Variants in VPS9D1 observed in about 807,000 individuals in gnomAD.
VPS9D1 encodes VPS9 domain containing 1.
A neutral mutation model predicts 75.8 loss-of-function variants in VPS9D1; 78 were observed. The ratio of observed to expected loss-of-function variants is 1.03; its 90% CI spans 0.86 to 1.24. VPS9D1 has a LOEUF of 1.24. VPS9D1 is among the 50% of genes most tolerant of loss of function. VPS9D1 has a pLI of 0.00. For missense variants in VPS9D1, 1,057 were observed against 847.7 expected, an observed-to-expected ratio of 1.25 and a Z score of -3.07; for synonymous variants, 481 against 385.6, an observed-to-expected ratio of 1.25 and a Z score of -2.90.
At position 89,708,475 on chromosome 16, in the gene VPS9D1, G is replaced by C. The variant is rs1812843435; in HGVS notation, c.1754C>G (p.Pro585Arg). Residue 585 changes from proline to arginine, a missense_variant, in exon 14 of 15, where the codon CCT becomes CGT. Physicochemically the swap from Pro to Arg is moderately radical, Grantham distance 103 (BLOSUM62 -2). Coordinates refer to ENST00000389386, the MANE Select transcript of VPS9D1 (RefSeq NM_004913.3). ...GGCCGCGCACTCCGACACCAGCTGAGGGAGGCCGCTCCTCAGCACCACGAA... is the reference window on the plus strand; with the variant it reads ...GGCCGCGCACTCCGACACCAGCTGACGGAGGCCGCTCCTCAGCACCACGAA... ...LSFVVLRSGL[P>R]QLVSECAALE... 6.2e-7 allele frequency: 1 copy of C among 1,613,002 alleles called. No individual in the cohort carries two copies. The highest frequency in any genetic ancestry group is 1.1e-5 in the South Asian group (1 of 91,066).
intron 9 of VPS9D1, 141 bp downstream of exon 9, chr16:89,711,186 C>G (rs1438279876): frequency 8.7e-7 from 1 of 1,154,200 alleles, no homozygotes; most frequent in Non-Finnish European, 1.2e-6. Context: ...GAAACGCCCT[C>G]AGCGCAAAGG....
Position 89,716,355 on chromosome 16 carries a change from G to A in VPS9D1, c.431+107C>T, listed in dbSNP as rs934985796. On this transcript the variant is annotated intron_variant, in intron 4 of 14. Coordinates refer to ENST00000389386, the MANE Select transcript of VPS9D1 (RefSeq NM_004913.3). Reference sequence around the variant, plus strand: ...CACTCCAGCCTGGGTGACAGAGTGAGACTCTGTCTCAAAAAACAAAAAAAA... The same window carrying A: ...CACTCCAGCCTGGGTGACAGAGTGAAACTCTGTCTCAAAAAACAAAAAAAA... The A allele has an allele frequency of 3.3e-6, 5 of 1,504,276 alleles. No homozygotes were observed. In the African/African-American group the frequency reaches 5.6e-5, roughly 17 times the overall value. 93.2% of individuals were successfully genotyped at this position (1,504,276 alleles called of 1,614,324 possible).
rs977322729 is a variant in VPS9D1 at position 89,710,866 on chromosome 16, C to T, written c.978G>A (p.Arg326=). ...PTPNPGSRRL[R]PSQSLHCMLS... is the part of the protein sequence containing the mutation. The stretch of plus-strand genomic sequence containing the variant: ...GCATGCAATGGAGGCTCTGCGAGGG[C>T]CGCAGCCGTCGGCTTCCGGGGTTGG... The change falls in exon 10 of 15, where the codon CGG becomes CGA. Residue 326 remains arginine, a synonymous_variant. Transcript: ENST00000389386. 199 of 1,509,666 alleles carry T rather than the reference C, an allele frequency of 1.3e-4. No individual in the cohort carries two copies. Among genetic ancestry groups the T allele is most frequent in the Non-Finnish European group, 1.6e-4 (182 of 1,131,572 alleles). 93.5% of individuals were successfully genotyped at this position (1,509,666 alleles called of 1,614,324 possible). A position where few individuals can be genotyped will look rare whatever the true frequency, so the allele number is the denominator to read the frequency against.
intron 10 of VPS9D1, 58 bp downstream of exon 10, chr16:89,710,528 G>C (rs201159941): frequency 1.2e-4 from 182 of 1,517,772 alleles, no homozygotes; most frequent in Admixed American, 2.8e-4. Context: ...GCTTGAAACG[G>C]ACCAATAAGC....
chr16:89,708,800 C>A, intron 13 of VPS9D1, 57 bp downstream of exon 13: 1 of 1,479,908 alleles, frequency 6.8e-7, no homozygotes, highest in Admixed American at 2.5e-5. Flanking sequence ...CCTCCCGTGA[C>A]CATTGCCTTT....
intron 4 of VPS9D1, among the ~76,000 whole-genome samples, chr16:89,713,378 C>T (rs1203078949): frequency 6.6e-6 from 1 of 151,590 alleles, no homozygotes; most frequent in Non-Finnish European, 1.5e-5. Context: ...CCTCAGCCTC[C>T]TGAGTAGCTG....
intron 4 of VPS9D1, among the ~76,000 whole-genome samples, chr16:89,715,068 C>T (rs1474207386): frequency 2.0e-5 from 3 of 152,056 alleles, no homozygotes; most frequent in Admixed American, 1.3e-4. Context: ...TTTTTTGTTT[C>T]TGTAATTCAT....
intron 4 of VPS9D1, 194 bp from the exon 5 acceptor site, chr16:89,712,910 G>A (rs2060971233): frequency 3.9e-6 from 2 of 512,026 alleles, no homozygotes; most frequent in South Asian, 3.0e-5. Flanking sequence ...TTGGCCAGGT[G>A]CAGTGGCTCC....
In VPS9D1 at chr16:89,712,943, G is replaced by A. The variant is rs1021607959; in HGVS notation, c.432-227C>T. ...TCCCGCCTCTAATGCCAGCACTTTA[G>A]GAGGCTAAGGCCGGGCGGATCACCT... On this transcript the variant is annotated intron_variant, in intron 4 of 14. Coordinates refer to ENST00000389386, the MANE Select transcript of VPS9D1 (RefSeq NM_004913.3). 8 of 432,456 alleles carry A rather than the reference G, an allele frequency of 1.8e-5. No homozygotes were observed. In the South Asian group the frequency reaches 2.5e-4, roughly 13 times the overall value. The allele number at this position is 432,456 out of a possible 1,614,324, so 26.8% of individuals were successfully genotyped here.
At chr16:89,720,342 T>C (rs2151648787) in intron 1 of VPS9D1, 1 of 908,850 alleles carries the variant, frequency 1.1e-6, no homozygotes, top group Non-Finnish European at 1.3e-6. Flanking sequence ...GCAAACAGCA[T>C]CACAAATGAG....
rs777284485 is a variant in VPS9D1, at chr16:89,709,903, C to T, written c.1262G>A (p.Arg421Lys). The T allele has an allele frequency of 1.0e-5, 16 of 1,607,672 alleles. No individual in the cohort carries two copies. The Middle Eastern group carries it at 5.0e-4, about 50-fold the overall frequency. Residue 421 changes from arginine (R) to lysine (K), a missense_variant, in exon 11 of 15, where the codon AGG becomes AAG. Transcript: ENST00000389386. ...GGCCAGAAGGGTCAGCGAGAGCAGC[C>T]TGTCTGCTAGGAACAGAGCCGGGGA... ...AVEEIHNAVDRLLSLTLLAFE... is the reference protein window; with the variant it reads ...AVEEIHNAVDKLLSLTLLAFE...
chr16:89,716,506 C>G lies in VPS9D1; in HGVS notation c.387G>C (p.Glu129Asp). The change falls in exon 4 of 15, where the codon GAG becomes GAC. Residue 129 changes from glutamate (E) to aspartate (D), a missense_variant. Physicochemically the swap from Glu to Asp is conservative, Grantham distance 45. Coordinates refer to ENST00000389386, the MANE Select transcript of VPS9D1 (RefSeq NM_004913.3). ...CTGCCCCCTGAAGCTTCTGGAAGAT[C>G]TCGGGTGGCAGAAAAGGAGAGAGCT... ...GGKLSPFLPP[E>D]IFQKLQGAES... 2 of 1,614,112 alleles carry G rather than the reference C, an allele frequency of 1.2e-6. No individual in the cohort carries two copies. The highest frequency in any genetic ancestry group is 1.7e-6 in the Non-Finnish European group (2 of 1,180,014).
rs374855421 is a variant in VPS9D1 at position 89,710,631 on chromosome 16, G to C, written c.1213C>G (p.Leu405Val). 296 of 1,610,192 alleles carry C rather than the reference G, an allele frequency of 1.8e-4. No individual in the cohort carries two copies. Among genetic ancestry groups the C allele is most frequent in the Non-Finnish European group, 2.2e-4 (260 of 1,177,860 alleles). The change falls in exon 10 of 15, where the codon CTG becomes GTG. Residue 405 changes from leucine to valine, a missense_variant. Physicochemically the swap from Leu to Val is conservative, Grantham distance 32 (BLOSUM62 1). Transcript: ENST00000389386. ...TCCACCGCGGTCTTCAGCTGCTGCA[G>C]CTGGGGCTCCGGCTGTACCCCACGG... ...RGRGVQPEPQ[L>V]QQLKTAVEEI... is the part of the protein sequence containing the mutation.
intron 12 of VPS9D1, 134 bp from the exon 13 acceptor site, chr16:89,709,090 C>G (rs1305074616): frequency 2.2e-6 from 3 of 1,350,998 alleles, no homozygotes; most frequent in Admixed American, 4.5e-5. Context: ...CGATGTTGCT[C>G]AGACACCACT....
chr16:89,715,575 G>A (rs1441128277), intron 4 of VPS9D1, among the ~76,000 whole-genome samples: 3 of 151,136 alleles, frequency 2.0e-5, no homozygotes, highest in Admixed American at 6.6e-5. Flanking sequence ...AAGCTGGAGT[G>A]CACTGGCACA....
chr16:89,719,285 C>T (rs1400414547), intron 1 of VPS9D1, 183 bp from the exon 2 acceptor site: 1 of 664,694 alleles, frequency 1.5e-6, no homozygotes, highest in Admixed American at 2.1e-5. Flanking sequence ...CTGCGCAGGG[C>T]ACAGGCAGCA....
intron 2 of VPS9D1, chr16:89,717,603 T>A: frequency 4.4e-6 from 2 of 456,368 alleles, no homozygotes; most frequent in Non-Finnish European, 8.8e-6. Flanking sequence ...TAGACTCCCA[T>A]TTTCTCATCC....
chr16:89,719,593 G>C (rs751291564), intron 1 of VPS9D1, among the ~76,000 whole-genome samples: 11 of 152,138 alleles, frequency 7.2e-5, no homozygotes, highest in Non-Finnish European at 1.5e-4. Context: ...TTTAAGTTCC[G>C]AGAAATCCCT....
chr16:89,710,537 G>A (rs766665235), intron 10 of VPS9D1, 49 bp downstream of exon 10: 5 of 1,533,480 alleles, frequency 3.3e-6, no homozygotes, highest in Non-Finnish European at 4.4e-6. Flanking sequence ...GGACCAATAA[G>A]CAGGGGTGAA....
Sources: allele counts gnomAD v4.1 joint callset (sites outside exome capture counted in the v4.1 genomes callset), GRCh38; gene constraint gnomAD v4.1.1; transcripts MANE v1.5; gene names NCBI Gene and HGNC (gene_info 2026-07-23, HGNC 2026-07-21).